PDGFRA: variants seen among roughly 807,000 people sequenced by gnomAD.
PDGFRA encodes the protein platelet derived growth factor receptor alpha, also known as platelet-derived growth factor receptor alpha.
In PDGFRA, 25 loss-of-function variants were observed where a neutral mutation model predicts 121.5. That is an observed-to-expected ratio of 0.21 (90% CI 0.15 to 0.29). The LOEUF (loss-of-function observed/expected upper bound fraction) is 0.29. Ranked by LOEUF, PDGFRA falls within the 10% of genes least tolerant of loss-of-function variation. PDGFRA has a pLI of 1.00. For missense variants in PDGFRA, 1,008 were observed against 1,345.1 expected (o/e 0.75, Z 3.92); for synonymous variants, 463 against 494.8 (o/e 0.94, Z 0.85).
rs192022112 is a variant in PDGFRA at position 54,244,150 on chromosome 4, C to A, written c.-12-14607C>A. ...TCTCTGGGGGTAGGGCACAGACAAACAAAAAGACAGCAGTAACCTCTGCAG... is the reference window on the plus strand; with the variant it reads ...TCTCTGGGGGTAGGGCACAGACAAAAAAAAAGACAGCAGTAACCTCTGCAG... On this transcript the variant is annotated intron_variant, in intron 1 of 22. Transcript: ENST00000257290. Among the ~76,000 whole-genome samples, 378 of 152,342 alleles carry A rather than the reference C, an allele frequency of 2.5e-3. 1 individual carries two copies. Among genetic ancestry groups the A allele is most frequent in the African/African-American group, 7.7e-3 (320 of 41,584 alleles).
intron 22 of PDGFRA, among the ~76,000 whole-genome samples, chr4:54,293,880 T>C (rs1233629099): frequency 6.7e-6 from 1 of 149,764 alleles, no homozygotes; most frequent in East Asian, 2.0e-4. Flanking sequence ...GTGATGATAG[T>C]GGCCCCTAGT....
chr4:54,290,668 G>A, intron 22 of PDGFRA, 114 bp downstream of exon 22: 1 of 1,221,206 alleles, frequency 8.2e-7, no homozygotes, highest in Non-Finnish European at 1.2e-6. Flanking sequence ...ATGTACTCAG[G>A]GACAAGTTGC....
chr4:54,271,753 C>A (rs1723374875), intron 8 of PDGFRA, among the ~76,000 whole-genome samples: 1 of 141,712 alleles, frequency 7.1e-6, no homozygotes, highest in Non-Finnish European at 1.5e-5. Context: ...TCACTCTTTT[C>A]TTTTCCTTTC....
chr4:54,296,132 T>G lies in PDGFRA; in HGVS notation c.*860T>G, dbSNP rs1276720253. 8.6e-6 allele frequency: 2 copies of G among 232,750 alleles called. No homozygotes were observed. Among genetic ancestry groups the G allele is most frequent in the African/African-American group, 4.4e-5 (2 of 45,340 alleles). The allele number at this position is 232,750 out of a possible 1,614,324, so 14.4% of individuals were successfully genotyped here. A position where few individuals can be genotyped will look rare whatever the true frequency, so the allele number is the denominator to read the frequency against. ...ATTTAGTTGAGCATAGAGAACAAAG[T>G]AAAAGTAGTGTTGTCCAGGAAGTCA... On this transcript the variant is annotated 3_prime_UTR_variant, in exon 23 of 23. Transcript: ENST00000257290.
chr4:54,282,553 C>T (rs1724131790), intron 16 of PDGFRA, among the ~76,000 whole-genome samples: 1 of 152,158 alleles, frequency 6.6e-6, no homozygotes, highest in Non-Finnish European at 1.5e-5. Flanking sequence ...CCACCAGTCC[C>T]CACCTCCAAT....
intron 1 of PDGFRA, among the ~76,000 whole-genome samples, chr4:54,252,714 TGTG>T (rs1722127351): frequency 6.6e-6 from 1 of 152,200 alleles, no homozygotes; most frequent in Admixed American, 6.5e-5. Context: ...GAGAGTCTCT[TGTG>T]GTCTTTAATC....
chr4:54,245,359 G>C (rs1286664047), intron 1 of PDGFRA, among the ~76,000 whole-genome samples: 1 of 152,206 alleles, frequency 6.6e-6, no homozygotes, highest in African/African-American at 2.4e-5. Flanking sequence ...ACTAACAGTG[G>C]ATCTCTCAGC....
chr4:54,229,498 C>A, intron 1 of PDGFRA, 83 bp downstream of exon 1: 11 of 359,576 alleles, frequency 3.1e-5, no homozygotes, highest in Admixed American at 9.8e-5. Context: ...GAAGTAACTT[C>A]AAACTTTGGG....
At chr4:54,249,267 A>C (rs1054516517) in intron 1 of PDGFRA, among the ~76,000 whole-genome samples, 19 of 152,236 alleles carry the variant, frequency 1.2e-4, no homozygotes, top group Admixed American at 2.0e-4. Context: ...CATTTGACCC[A>C]GCAATCCCAT....
intron 16 of PDGFRA, among the ~76,000 whole-genome samples, chr4:54,283,326 T>C (rs538734134): frequency 1.3e-5 from 2 of 152,310 alleles, no homozygotes; most frequent in South Asian, 4.1e-4. Context: ...AAGCCTCAAC[T>C]CTTAACACTC....
At chr4:54,251,581 G>T (rs1722057418) in intron 1 of PDGFRA, among the ~76,000 whole-genome samples, 1 of 152,154 alleles carries the variant, frequency 6.6e-6, no homozygotes, top group African/African-American at 2.4e-5. Context: ...CTGCTTTAAG[G>T]GATCAAAGTT....
rs759247987 is a variant in PDGFRA, at chr4:54,263,797, G to A, written c.498G>A (p.Gly166=). ...ETPVTLHNSE[G]VVPASYDSRQ... Reference sequence around the variant, plus strand: ...CTGTAACCTTACACAACAGTGAGGGGGTGGTACCTGCCTCCTACGACAGCA... The same window carrying A: ...CTGTAACCTTACACAACAGTGAGGGAGTGGTACCTGCCTCCTACGACAGCA... The change falls in exon 4 of 23, where the codon GGG becomes GGA. Residue 166 remains glycine (G), a synonymous_variant. Coordinates refer to ENST00000257290, the MANE Select transcript of PDGFRA (RefSeq NM_006206.6). 3.1e-6 allele frequency: 5 copies of A among 1,613,842 alleles called. No individual in the cohort carries two copies. In the Admixed American group the frequency reaches 6.7e-5, roughly 22 times the overall value.
In PDGFRA at chr4:54,249,379, C is replaced by G. The variant is rs537192632; in HGVS notation, c.-12-9378C>G. Among the ~76,000 whole-genome samples the G allele has an allele frequency of 2.3e-4, 35 of 152,252 alleles. No individual in the cohort carries two copies. The South Asian group carries it at 7.1e-3, about 31-fold the overall frequency. On this transcript the variant is annotated intron_variant, in intron 1 of 22. Transcript: ENST00000257290. ...ATTCACAATAGCAAAGACTTGGAACCAACCCAAATATCCAACGATGATAGA... is the reference window on the plus strand; with the variant it reads ...ATTCACAATAGCAAAGACTTGGAACGAACCCAAATATCCAACGATGATAGA...
In PDGFRA at chr4:54,288,835, C is replaced by T. The variant is rs778327861; in HGVS notation, c.2711C>T (p.Thr904Ile). 1.4e-5 allele frequency: 23 copies of T among 1,613,440 alleles called. No homozygotes were observed. Among genetic ancestry groups the T allele is most frequent in the Non-Finnish European group, 1.9e-5 (22 of 1,179,468 alleles). ...TPYPGMMVDSTFYNKIKSGYR... is the reference protein window; with the variant it reads ...TPYPGMMVDSIFYNKIKSGYR... Reference sequence around the variant, plus strand: ...TACCCCGGCATGATGGTGGATTCTACTTTCTACAATAAGATCAAGAGTGGG... The same window carrying T: ...TACCCCGGCATGATGGTGGATTCTATTTTCTACAATAAGATCAAGAGTGGG... Residue 904 changes from threonine to isoleucine, a missense_variant, in exon 20 of 23, where the codon ACT becomes ATT. Physicochemically the swap from Thr to Ile is moderately conservative, Grantham distance 89. Transcript: ENST00000257290.
Position 54,261,038 on chromosome 4 carries a change from C to T in PDGFRA, c.50-57C>T, listed in dbSNP as rs149486166. ...TGCTACTGTTGCTTCTCTCAGTTGT[C>T]GGGATGAGACTGTCCTTTCTGACTG... is the stretch of plus-strand genomic sequence containing the variant. On this transcript the variant is annotated intron_variant, in intron 2 of 22. Coordinates refer to ENST00000257290, the MANE Select transcript of PDGFRA (RefSeq NM_006206.6). 2.3e-4 allele frequency: 341 copies of T among 1,471,566 alleles called. No individual in the cohort carries two copies. The African/African-American group carries it at 3.0e-3, about 13-fold the overall frequency. The allele number at this position is 1,471,566 out of a possible 1,614,324, so 91.2% of individuals were successfully genotyped here. A position where few individuals can be genotyped will look rare whatever the true frequency, so the allele number is the denominator to read the frequency against.
intron 1 of PDGFRA, among the ~76,000 whole-genome samples, chr4:54,241,925 GTTTGC>G (rs1412246613): frequency 2.6e-5 from 4 of 152,140 alleles, no homozygotes; most frequent in Admixed American, 6.5e-5. Flanking sequence ...TCAAGTATTG[GTTTGC>G]TTTCAGTAAG....
intron 7 of PDGFRA, among the ~76,000 whole-genome samples, chr4:54,268,449 A>T (rs1342602926): frequency 6.6e-6 from 1 of 152,200 alleles, no homozygotes. Context: ...ATTAGAACCC[A>T]AGAGTCAGAA....
chr4:54,267,350 C>T lies in PDGFRA; in HGVS notation c.821C>T (p.Thr274Ile), dbSNP rs758194640. 1 of 1,614,128 alleles carries T rather than the reference C, an allele frequency of 6.2e-7. No homozygotes were observed. The highest frequency in any genetic ancestry group is 8.5e-7 in the Non-Finnish European group (1 of 1,179,962). The change falls in exon 6 of 23, where the codon ACT becomes ATT. Residue 274 changes from threonine (T) to isoleucine (I), a missense_variant. Around this residue, in one of 5 missense-constraint regions of PDGFRA, gnomAD observed 575 missense variants for 701.8 expected, o/e 0.82. Coordinates refer to ENST00000257290, the MANE Select transcript of PDGFRA (RefSeq NM_006206.6). ...GTCCCATCCATCAAATTGGTGTACA[C>T]TTTGACGGTCCCCGAGGCCACGGTG... ...IKVPSIKLVY[T>I]LTVPEATVKD... is the part of the protein sequence containing the mutation.
intron 1 of PDGFRA, among the ~76,000 whole-genome samples, chr4:54,233,511 G>C (rs1245434287): frequency 6.6e-6 from 1 of 152,226 alleles, no homozygotes; most frequent in African/African-American, 2.4e-5. Flanking sequence ...CCCCAGCCCC[G>C]GGCGGTCGGC....
Sources: allele counts gnomAD v4.1 joint callset (sites outside exome capture counted in the v4.1 genomes callset), GRCh38; gene constraint gnomAD v4.1.1; regional missense constraint gnomAD v4.1.1; transcripts MANE v1.5; gene names NCBI Gene and HGNC (gene_info 2026-07-23, HGNC 2026-07-21).